DNM1L: variants seen among roughly 807,000 people sequenced by gnomAD.
DNM1L encodes the protein dynamin 1L.
Under a neutral mutation model 92.8 loss-of-function variants are expected in DNM1L, and 33 were observed. The observed-to-expected ratio is 0.36, with a 90% CI of 0.27 to 0.48. The LOEUF is 0.48. Ranked by LOEUF, DNM1L falls within the 20% of genes least tolerant of loss-of-function variation. The probability of loss-of-function intolerance (pLI) is 0.99; values close to 1 mark genes in which losing one functional copy is unlikely to be tolerated. For synonymous variants in DNM1L, 284 were observed against 305.0 expected (o/e 0.93, Z 0.72); for missense variants, 485 against 888.8 (o/e 0.55, Z 5.78).
At chr12:32,681,972 C>A (rs958698441) in intron 1 of DNM1L, among the ~76,000 whole-genome samples, 1 of 151,742 alleles carries the variant, frequency 6.6e-6, no homozygotes. Flanking sequence ...CCAGCCTGGG[C>A]GACAGAGTGA....
chr12:32,716,007 A>T (rs1441914858), intron 6 of DNM1L, among the ~76,000 whole-genome samples: 1 of 152,188 alleles, frequency 6.6e-6, no homozygotes, highest in Non-Finnish European at 1.5e-5. Flanking sequence ...TATTCCTCAG[A>T]TGGGGAGTGA....
intron 6 of DNM1L, among the ~76,000 whole-genome samples, chr12:32,715,936 CTA>C (rs1953344358): frequency 6.6e-6 from 1 of 152,160 alleles, no homozygotes; most frequent in African/African-American, 2.4e-5. Flanking sequence ...ATATAAAAAA[CTA>C]TATGCAAATG....
chr12:32,708,765 A>C (rs1218607354), intron 4 of DNM1L, among the ~76,000 whole-genome samples: 1 of 152,102 alleles, frequency 6.6e-6, no homozygotes. Context: ...GAGAATGTGA[A>C]GTAAGTTATG....
intron 1 of DNM1L, among the ~76,000 whole-genome samples, chr12:32,686,651 T>C (rs377516139): frequency 2.0e-4 from 31 of 152,348 alleles, no homozygotes; most frequent in African/African-American, 7.2e-4. Context: ...TTTTGGTATA[T>C]ACCTAGGAGT....
chr12:32,743,259 C>G, intron 19 of DNM1L, 95 bp from the exon 20 acceptor site: 1 of 1,102,982 alleles, frequency 9.1e-7, no homozygotes. Context: ...AGTTATAAAC[C>G]TACCACATAT....
chr12:32,742,888 CTTTTTTT>C (rs36039451), intron 19 of DNM1L, 140 bp downstream of exon 19: 220 of 248,504 alleles, frequency 8.9e-4, no homozygotes, highest in East Asian at 4.9e-3. Context: ...TGATAAGAAT[CTTTTTTT>C]TTTTTTTTTT....
chr12:32,731,665 A>T lies in DNM1L; in HGVS notation c.1356+154A>T, dbSNP rs1954562686. Among the ~76,000 whole-genome samples the T allele has an allele frequency of 6.6e-6, 1 of 152,242 alleles. No homozygotes were observed. Among genetic ancestry groups the T allele is most frequent in the Non-Finnish European group, 1.5e-5 (1 of 68,050 alleles). ...GATTTGAAATAGGATTCTTAAATGTAGTCTCCAAATTGAATTCAGTATTTC... is the reference window on the plus strand; with the variant it reads ...GATTTGAAATAGGATTCTTAAATGTTGTCTCCAAATTGAATTCAGTATTTC... On this transcript the variant is annotated intron_variant, in intron 11 of 19. Transcript: ENST00000549701. This position sits in a 1 kb window ranked among gnomAD's most constrained non-coding sequence, Gnocchi z 5.1.
intron 6 of DNM1L, among the ~76,000 whole-genome samples, chr12:32,717,493 GTA>G (rs1468886171): frequency 9.6e-6 from 1 of 104,058 alleles, no homozygotes; most frequent in Non-Finnish European, 1.8e-5. Flanking sequence ...TATATATATA[GTA>G]TATATATATA....
At chr12:32,697,180 G>A (rs970267568) in intron 1 of DNM1L, among the ~76,000 whole-genome samples, 3 of 151,888 alleles carry the variant, frequency 2.0e-5, no homozygotes, top group African/African-American at 4.8e-5. Context: ...AGTGAGCCAC[G>A]ATTATGCCAT....
At chr12:32,691,037 A>G (rs1006084266) in intron 1 of DNM1L, among the ~76,000 whole-genome samples, 1 of 152,220 alleles carries the variant, frequency 6.6e-6, no homozygotes, top group Non-Finnish European at 1.5e-5. Flanking sequence ...CAGACTGGGT[A>G]GCTTAAAAAG....
chr12:32,691,221 G>T (rs573631847), intron 1 of DNM1L, among the ~76,000 whole-genome samples: 3 of 152,002 alleles, frequency 2.0e-5, no homozygotes, highest in Non-Finnish European at 4.4e-5. Flanking sequence ...AGTCAGTTTG[G>T]ATTATGGGCC....
chr12:32,711,253 A>G, intron 5 of DNM1L: 1 of 461,484 alleles, frequency 2.2e-6, no homozygotes, highest in South Asian at 2.4e-5. Flanking sequence ...GTTTCTTCTC[A>G]TCTCCCCAAT....
intron 2 of DNM1L, chr12:32,707,082 T>G (rs910723722): frequency 3.2e-6 from 1 of 308,660 alleles, no homozygotes; most frequent in Non-Finnish European, 5.9e-6. Context: ...TAAACAATTT[T>G]ATTTGCAAAA....
At chr12:32,724,979 A>C (rs1409830117) in intron 9 of DNM1L, among the ~76,000 whole-genome samples, 2 of 152,256 alleles carry the variant, frequency 1.3e-5, no homozygotes, top group East Asian at 3.9e-4. Context: ...TAAGAATTAG[A>C]AGAAACCACA....
At position 32,743,746 on chromosome 12, in the gene DNM1L, T is replaced by C; in HGVS notation, c.*336T>C. ...GGATAAGATGACCTGTGTAATAATC[T>C]TTGTTAGTAGTCTTAAAGCTGCTGC... is the stretch of plus-strand genomic sequence containing the variant. On this transcript the variant is annotated 3_prime_UTR_variant, in exon 20 of 20. Coordinates refer to ENST00000549701, the MANE Select transcript of DNM1L (RefSeq NM_012062.5). 1 of 314,692 alleles carries C rather than the reference T, an allele frequency of 3.2e-6. No individual in the cohort carries two copies. The highest frequency in any genetic ancestry group is 6.0e-6 in the Non-Finnish European group (1 of 167,424). 19.5% of individuals were successfully genotyped at this position (314,692 alleles called of 1,614,324 possible). A position where few individuals can be genotyped will look rare whatever the true frequency, so the allele number is the denominator to read the frequency against.
intron 6 of DNM1L, among the ~76,000 whole-genome samples, chr12:32,717,928 T>TATATATA (rs1482412677): frequency 1.2e-5 from 1 of 82,210 alleles, no homozygotes; most frequent in Non-Finnish European, 2.2e-5. Flanking sequence ...ATAGTATATA[T>TATATATA]TTTATATATA....
intron 6 of DNM1L, among the ~76,000 whole-genome samples, chr12:32,717,139 T>C (rs1953427171): frequency 7.9e-6 from 1 of 126,820 alleles, no homozygotes; most frequent in South Asian, 2.2e-4. Flanking sequence ...TACCTATGTA[T>C]ATATATTTGT....
At chr12:32,718,080 C>T (rs1425498175) in intron 6 of DNM1L, among the ~76,000 whole-genome samples, 2 of 130,884 alleles carry the variant, frequency 1.5e-5, no homozygotes, top group African/African-American at 5.8e-5. Flanking sequence ...ATATACTATA[C>T]ATATTTTATA....
intron 2 of DNM1L, chr12:32,706,006 GTTATT>G: frequency 2.9e-6 from 2 of 689,560 alleles, no homozygotes; most frequent in Non-Finnish European, 4.4e-6. Context: ...AGTGGTTCTT[GTTATT>G]TTTTTTGGCA....
Sources: gnomAD v4.1 joint callset for allele counts (sites outside exome capture counted in the v4.1 genomes callset) on GRCh38, gnomAD v4.1.1 for gene constraint, Gnocchi (gnomAD v3.1) non-coding constraint, MANE v1.5 for transcripts, NCBI Gene and HGNC (gene_info 2026-07-23, HGNC 2026-07-21) for gene names.